LRBA: variants seen among roughly 807,000 people sequenced by gnomAD.
The protein encoded by LRBA is lipopolysaccharide-responsive and beige-like anchor protein.
Under a neutral mutation model 330.0 loss-of-function variants are expected in LRBA, and 176 were observed. That is an observed-to-expected ratio of 0.53 (90% CI 0.47 to 0.60). LRBA has a LOEUF of 0.60. Ranked by LOEUF, LRBA falls within the 20% of genes least tolerant of loss-of-function variation. The pLI, the probability that LRBA is intolerant of heterozygous loss-of-function variation, is 0.00. For synonymous variants in LRBA, 1,230 were observed against 1,193.0 expected, an observed-to-expected ratio of 1.03 and a Z score of -0.64; for missense variants, 3,259 against 3,444.8, an observed-to-expected ratio of 0.95 and a Z score of 1.35.
chr4:150,744,353 C>T (rs1269064551), intron 35 of LRBA, among the ~76,000 whole-genome samples: 2 of 152,160 alleles, frequency 1.3e-5, no homozygotes, highest in Non-Finnish European at 2.9e-5. Flanking sequence ...AAACAAGTAA[C>T]CTCAAAGTTA....
At chr4:150,538,491 G>T (rs780855419) in intron 40 of LRBA, among the ~76,000 whole-genome samples, 2 of 152,150 alleles carry the variant, frequency 1.3e-5, no homozygotes, top group East Asian at 3.8e-4. Flanking sequence ...TTGCAGCAAC[G>T]TGCATGCAGC....
chr4:150,450,408 T>G (rs752043281), intron 44 of LRBA, among the ~76,000 whole-genome samples: 2 of 152,150 alleles, frequency 1.3e-5, no homozygotes, highest in African/African-American at 2.4e-5. Context: ...TAGAGGAGGA[T>G]CTTTCCTTGC....
chr4:150,575,103 GGAAA>G (rs1049572502), intron 40 of LRBA, among the ~76,000 whole-genome samples: 63 of 152,108 alleles, frequency 4.1e-4, no homozygotes, highest in Non-Finnish European at 1.6e-4. Context: ...GAAAAATTCA[GGAAA>G]GAGACTGGCA....
In LRBA at chr4:150,579,272, G is replaced by A. The variant is rs1410423696; in HGVS notation, c.6330+8776C>T. Reference sequence around the variant, plus strand: ...TTCAATTACAGCCTCCTCGGATACCGTTTCCCCCTTCAATTATTCAACCAG... The same window carrying A: ...TTCAATTACAGCCTCCTCGGATACCATTTCCCCCTTCAATTATTCAACCAG... On this transcript the variant is annotated intron_variant, in intron 40 of 56. Coordinates refer to ENST00000651943, the MANE Select transcript of LRBA (RefSeq NM_001364905.1). 8.8e-6 allele frequency: 4 copies of A among 455,752 alleles called. No homozygotes were observed. The East Asian group carries it at 2.8e-4, about 32-fold the overall frequency. The allele number at this position is 455,752 out of a possible 1,614,324, so 28.2% of individuals were successfully genotyped here.
At chr4:150,571,230 C>T (rs1466425230) in intron 40 of LRBA, among the ~76,000 whole-genome samples, 1 of 151,690 alleles carries the variant, frequency 6.6e-6, no homozygotes, top group Non-Finnish European at 1.5e-5. Flanking sequence ...GGAGAGATTA[C>T]AGATAAAGCA....
intron 47 of LRBA, among the ~76,000 whole-genome samples, chr4:150,359,268 T>TA (rs1173167040): frequency 1.3e-5 from 2 of 152,206 alleles, no homozygotes; most frequent in African/African-American, 4.8e-5. Flanking sequence ...GAGTGGTTAC[T>TA]ATTGGTCTTG....
chr4:150,386,506 G>C (rs1452829186), intron 47 of LRBA, among the ~76,000 whole-genome samples: 2 of 147,876 alleles, frequency 1.4e-5, no homozygotes, highest in African/African-American at 2.5e-5. Context: ...TTCTAGGTGA[G>C]AGCACGTGCT....
intron 47 of LRBA, among the ~76,000 whole-genome samples, chr4:150,386,475 T>G (rs1407735149): frequency 1.4e-5 from 2 of 138,540 alleles, no homozygotes; most frequent in Admixed American, 7.4e-5. Flanking sequence ...TGTCCATGTG[T>G]TCTCATCATT....
intron 48 of LRBA, among the ~76,000 whole-genome samples, chr4:150,331,811 C>A (rs1373023997): frequency 1.3e-5 from 2 of 152,054 alleles, no homozygotes; most frequent in Non-Finnish European, 2.9e-5. Flanking sequence ...AAATCCTTAC[C>A]CTGGGTAGCA....
intron 31 of LRBA, among the ~76,000 whole-genome samples, chr4:150,816,915 C>G (rs1372766773): frequency 1.3e-5 from 2 of 151,950 alleles, no homozygotes; most frequent in Non-Finnish European, 2.9e-5. Context: ...CCACACACTA[C>G]TAGGTTTGAG....
chr4:150,505,000 G>A (rs1441085354), intron 40 of LRBA, among the ~76,000 whole-genome samples: 5 of 152,292 alleles, frequency 3.3e-5, no homozygotes, highest in East Asian at 1.9e-4. Context: ...TAATGGTAAA[G>A]GGATCAATTC....
chr4:150,684,539 A>C (rs1783358424), intron 36 of LRBA, among the ~76,000 whole-genome samples: 1 of 152,172 alleles, frequency 6.6e-6, no homozygotes, highest in Non-Finnish European at 1.5e-5. Context: ...AATTTTACCA[A>C]AAAACACCTT....
In LRBA at chr4:150,495,463, T is replaced by C. The variant is rs543598865; in HGVS notation, c.6331-4428A>G. On this transcript the variant is annotated intron_variant, in intron 40 of 56. Coordinates refer to ENST00000651943, the MANE Select transcript of LRBA (RefSeq NM_001364905.1). ...AAATCTTACCAAAAAACTAGCCTAATCTTTTAAAAAATTAAATAAAATTCC... is the reference window on the plus strand; with the variant it reads ...AAATCTTACCAAAAAACTAGCCTAACCTTTTAAAAAATTAAATAAAATTCC... Among the ~76,000 whole-genome samples the C allele has an allele frequency of 4.6e-5, 7 of 152,266 alleles. No individual in the cohort carries two copies. The South Asian group carries it at 1.4e-3, about 32-fold the overall frequency.
intron 46 of LRBA, among the ~76,000 whole-genome samples, chr4:150,433,870 T>C (rs1325971837): frequency 1.3e-5 from 2 of 152,136 alleles, no homozygotes; most frequent in African/African-American, 4.8e-5. Flanking sequence ...AGTATATTAT[T>C]TGTGAGATCA....
intron 40 of LRBA, among the ~76,000 whole-genome samples, chr4:150,499,822 T>G (rs892788727): frequency 6.6e-6 from 1 of 152,130 alleles, no homozygotes; most frequent in Non-Finnish European, 1.5e-5. Flanking sequence ...TTCTTCTCAA[T>G]GCCAATTCTT....
At chr4:150,975,540 A>C (rs1393912569) in intron 2 of LRBA, among the ~76,000 whole-genome samples, 3 of 151,786 alleles carry the variant, frequency 2.0e-5, no homozygotes, top group Non-Finnish European at 4.4e-5. Context: ...TCTCAAAAAA[A>C]AAAAAAAGAA....
intron 5 of LRBA, among the ~76,000 whole-genome samples, chr4:150,919,677 C>G (rs2149493342): frequency 6.6e-6 from 1 of 152,280 alleles, no homozygotes; most frequent in African/African-American, 2.4e-5. Flanking sequence ...AGTGCGTACA[C>G]ATGTTCTCTC....
chr4:150,350,197 C>A, intron 47 of LRBA, 38 bp from the exon 48 acceptor site: 1 of 1,411,704 alleles, frequency 7.1e-7, no homozygotes, highest in Non-Finnish European at 9.5e-7. Context: ...ATGCTGAATT[C>A]CTTTTTAAAA....
intron 4 of LRBA, among the ~76,000 whole-genome samples, chr4:150,925,632 T>C (rs1351336726): frequency 6.6e-6 from 1 of 152,208 alleles, no homozygotes; most frequent in Non-Finnish European, 1.5e-5. Context: ...ATATCAATAC[T>C]GTTTTAATGT....
Sources: allele counts gnomAD v4.1 joint callset (sites outside exome capture counted in the v4.1 genomes callset), GRCh38; gene constraint gnomAD v4.1.1; transcripts MANE v1.5; gene names NCBI Gene and HGNC (gene_info 2026-07-23, HGNC 2026-07-21).